The following MAGI2 variants were observed in gnomAD, a reference collection of about 807,000 sequenced individuals.
The protein encoded by MAGI2 is membrane associated guanylate kinase, WW and PDZ domain containing 2.
A neutral mutation model predicts 133.3 loss-of-function variants in MAGI2; 35 were observed. That is an observed-to-expected ratio of 0.26 (90% CI 0.20 to 0.35). MAGI2 has a LOEUF of 0.35. Among genes scored for constraint, MAGI2 ranks in the 10% least tolerant of loss-of-function variants. MAGI2 has a pLI of 1.00. For synonymous variants in MAGI2, 729 were observed against 710.6 expected (o/e 1.03, Z -0.41); for missense variants, 1,636 against 1,863.4 (o/e 0.88, Z 2.25).
rs1297478814 is a variant in MAGI2 at position 78,497,738 on chromosome 7, A to ATCTGTCTGTCTGTCTGTCTG, written c.965+3838_965+3839insCAGACAGACAGACAGACAGA. ...AAATAACTATTCTATCTATCTATCT[A>ATCTGTCTGTCTGTCTGTCTG]TCTATCTATCTATCTATCTATCTAT... On this transcript the variant is annotated intron_variant, in intron 5 of 21. Transcript: ENST00000354212. 1.1e-4 allele frequency among the ~76,000 whole-genome samples: 12 copies of ATCTGTCTGTCTGTCTGTCTG among 112,864 alleles called. No homozygotes were observed. The South Asian group carries it at 1.2e-3, about 11-fold the overall frequency. 74.0% of individuals were successfully genotyped at this position (112,864 alleles called of 152,430 possible). A position where few individuals can be genotyped will look rare whatever the true frequency, so the allele number is the denominator to read the frequency against.
At chr7:78,125,468 A>G (rs1338943662) in intron 20 of MAGI2, among the ~76,000 whole-genome samples, 3 of 152,196 alleles carry the variant, frequency 2.0e-5, no homozygotes, top group African/African-American at 7.2e-5. Flanking sequence ...GAAAAATAGT[A>G]CTTTACTGAG....
chr7:78,023,142 C>G (rs1808577428), intron 21 of MAGI2, among the ~76,000 whole-genome samples: 2 of 152,214 alleles, frequency 1.3e-5, no homozygotes, highest in African/African-American at 4.8e-5. Flanking sequence ...CTGTAAAGCA[C>G]AAGGGGCCTC....
chr7:78,618,824 T>A (rs1278759106), intron 3 of MAGI2: 1 of 151,292 alleles, frequency 6.6e-6, no homozygotes, highest in Non-Finnish European at 1.5e-5. Flanking sequence ...AAAGTCAAAT[T>A]CATAGAAGGA....
intron 2 of MAGI2, among the ~76,000 whole-genome samples, chr7:78,998,971 G>T (rs1359574853): frequency 2.0e-5 from 3 of 152,094 alleles, no homozygotes; most frequent in Non-Finnish European, 1.5e-5. Flanking sequence ...TCCCTGAAAG[G>T]TGCGTTATTT....
intron 2 of MAGI2, among the ~76,000 whole-genome samples, chr7:78,733,897 T>A (rs1821600363): frequency 6.6e-6 from 1 of 152,166 alleles, no homozygotes. Flanking sequence ...ATGCCCCAAC[T>A]GTAATGGTCA....
At chr7:78,847,511 A>G (rs1036309844) in intron 2 of MAGI2, among the ~76,000 whole-genome samples, 1 of 152,026 alleles carries the variant, frequency 6.6e-6, no homozygotes, top group African/African-American at 2.4e-5. Flanking sequence ...AATTGAACCC[A>G]TAATAAGGCA....
At chr7:78,400,430 A>C (rs1376185492) in intron 6 of MAGI2, among the ~76,000 whole-genome samples, 1 of 152,196 alleles carries the variant, frequency 6.6e-6, no homozygotes, top group African/African-American at 2.4e-5. Context: ...TAATTAACTA[A>C]AATTAGTTAT....
At chr7:78,295,216 G>A (rs1234370852) in intron 9 of MAGI2, among the ~76,000 whole-genome samples, 2 of 152,170 alleles carry the variant, frequency 1.3e-5, no homozygotes, top group African/African-American at 2.4e-5. Flanking sequence ...CTTAGAGAAA[G>A]TGAGTCCCTG....
At chr7:78,874,556 T>A (rs942608430) in intron 2 of MAGI2, among the ~76,000 whole-genome samples, 4 of 152,166 alleles carry the variant, frequency 2.6e-5, no homozygotes, top group African/African-American at 9.7e-5. Flanking sequence ...TTCCACATGA[T>A]CTTATTCATA....
intron 9 of MAGI2, among the ~76,000 whole-genome samples, chr7:78,331,733 G>A (rs774214752): frequency 1.3e-5 from 2 of 151,924 alleles, no homozygotes; most frequent in Non-Finnish European, 2.9e-5. Flanking sequence ...GCATACTCTG[G>A]TACTCTAATA....
At chr7:78,612,368 T>G (rs1806542168) in intron 3 of MAGI2, among the ~76,000 whole-genome samples, 1 of 151,952 alleles carries the variant, frequency 6.6e-6, no homozygotes, top group Non-Finnish European at 1.5e-5. Context: ...ACCCAAGAAA[T>G]ACAACATAAG....
intron 21 of MAGI2, among the ~76,000 whole-genome samples, chr7:78,026,774 A>G (rs780906358): frequency 1.3e-5 from 2 of 152,180 alleles, no homozygotes; most frequent in Non-Finnish European, 2.9e-5. Flanking sequence ...AGCCATGAAT[A>G]AGAGTTCCTA....
At chr7:78,114,762 C>T (rs1296544195) in intron 20 of MAGI2, among the ~76,000 whole-genome samples, 1 of 152,180 alleles carries the variant, frequency 6.6e-6, no homozygotes, top group African/African-American at 2.4e-5. Flanking sequence ...TCAGGCAGGA[C>T]TGTGTGGCAG....
intron 2 of MAGI2, among the ~76,000 whole-genome samples, chr7:78,853,517 G>C (rs932322745): frequency 6.6e-6 from 1 of 151,068 alleles, no homozygotes; most frequent in Non-Finnish European, 1.5e-5. Context: ...CACAAAGCCT[G>C]GCTAATTTTT....
At chr7:78,754,400 A>T (rs1823749925) in intron 2 of MAGI2, among the ~76,000 whole-genome samples, 1 of 151,792 alleles carries the variant, frequency 6.6e-6, no homozygotes, top group Non-Finnish European at 1.5e-5. Flanking sequence ...TAAATAAATA[A>T]ATAAATAAAT....
At chr7:78,385,594 A>G (rs1434753149) in intron 6 of MAGI2, among the ~76,000 whole-genome samples, 2 of 152,196 alleles carry the variant, frequency 1.3e-5, no homozygotes, top group Non-Finnish European at 2.9e-5. Context: ...TTGAATGTAT[A>G]TAGCCAGATG....
rs531846671 is a variant in MAGI2, at chr7:79,392,876, T to G, written c.301+60144A>C. Reference sequence around the variant, plus strand: ...CCCTGAGAGTTCTCCCAGGACAAACTAAACGACCATTCACCAATATGTACT... The same window carrying G: ...CCCTGAGAGTTCTCCCAGGACAAACGAAACGACCATTCACCAATATGTACT... On this transcript the variant is annotated intron_variant, in intron 1 of 21. Transcript: ENST00000354212. 3.9e-5 allele frequency among the ~76,000 whole-genome samples: 6 copies of G among 152,122 alleles called. No homozygotes were observed. In the East Asian group the frequency reaches 7.8e-4, roughly 20 times the overall value.
rs534459642 is a variant in MAGI2, at chr7:78,353,795, A to G, written c.1104-7752T>C. On this transcript the variant is annotated intron_variant, in intron 7 of 21. Transcript: ENST00000354212. ...GAGTACAAGGCTAGTGCACACAGAC[A>G]TGCATGTGGTTGTGTATGGGTGGCA... 2.6e-5 allele frequency among the ~76,000 whole-genome samples: 4 copies of G among 152,302 alleles called. No individual in the cohort carries two copies. In the South Asian group the frequency reaches 8.3e-4, roughly 32 times the overall value.
chr7:79,453,511 C>G lies in MAGI2; in HGVS notation c.-191G>C. 7.2e-7 allele frequency: 1 copy of G among 1,393,678 alleles called. No individual in the cohort carries two copies. Among genetic ancestry groups the G allele is most frequent in the South Asian group, 1.7e-5 (1 of 58,790 alleles). 86.3% of individuals were successfully genotyped at this position (1,393,678 alleles called of 1,614,324 possible). A position where few individuals can be genotyped will look rare whatever the true frequency, so the allele number is the denominator to read the frequency against. On this transcript the variant is annotated 5_prime_UTR_variant, in exon 1 of 22. Transcript: ENST00000354212. ...CGAGGAATGGGGAGGATGAGAGGGACGGCTGGGCAGAGGTAGGAGAGCTTG... is the reference window on the plus strand; with the variant it reads ...CGAGGAATGGGGAGGATGAGAGGGAGGGCTGGGCAGAGGTAGGAGAGCTTG...
Sources: gnomAD v4.1 joint callset for allele counts (sites outside exome capture counted in the v4.1 genomes callset) on GRCh38, gnomAD v4.1.1 for gene constraint, MANE v1.5 for transcripts, NCBI Gene and HGNC (gene_info 2026-07-23, HGNC 2026-07-21) for gene names.